The following CSMD3 variants were observed in gnomAD, a reference collection of about 807,000 sequenced individuals.
CSMD3 encodes CUB and sushi domain-containing protein 3.
In CSMD3, 177 loss-of-function variants were observed where a neutral mutation model predicts 435.2. That is an observed-to-expected ratio of 0.41 (90% confidence interval 0.36 to 0.46). The LOEUF (loss-of-function observed/expected upper bound fraction) is 0.46. Among genes scored for constraint, CSMD3 ranks in the 20% least tolerant of loss-of-function variants. The pLI is 0.34. For synonymous variants in CSMD3, 1,656 were observed against 1,520.5 expected (o/e 1.09, Z -2.07); for missense variants, 4,265 against 4,504.6 (o/e 0.95, Z 1.52).
At chr8:112,890,182 T>C (rs979978289) in intron 10 of CSMD3, among the ~76,000 whole-genome samples, 7 of 151,644 alleles carry the variant, frequency 4.6e-5, no homozygotes, top group Non-Finnish European at 1.0e-4. Context: ...ATCAGTGACA[T>C]TCTTCCCATC....
chr8:113,125,247 T>A (rs1306536919), intron 4 of CSMD3, among the ~76,000 whole-genome samples: 1 of 151,964 alleles, frequency 6.6e-6, no homozygotes, highest in East Asian at 1.9e-4. Context: ...CAAGTAGAAG[T>A]GGACTGGGCC....
chr8:113,370,468 T>G (rs544786932), intron 1 of CSMD3, among the ~76,000 whole-genome samples: 1 of 151,804 alleles, frequency 6.6e-6, no homozygotes, highest in South Asian at 2.1e-4. Flanking sequence ...TACTGAAGCT[T>G]AACTTCACAA....
At chr8:113,132,742 A>C (rs1022454438) in intron 4 of CSMD3, among the ~76,000 whole-genome samples, 5 of 152,208 alleles carry the variant, frequency 3.3e-5, no homozygotes, top group African/African-American at 1.2e-4. Flanking sequence ...TATGCAAGAC[A>C]CATTTTGGAA....
At chr8:113,433,358 C>T (rs763232342) in intron 1 of CSMD3, among the ~76,000 whole-genome samples, 6 of 152,156 alleles carry the variant, frequency 3.9e-5, no homozygotes, top group Non-Finnish European at 8.8e-5. Context: ...ACACGCGGGG[C>T]TGAAAGCTCC....
intron 5 of CSMD3, among the ~76,000 whole-genome samples, chr8:113,033,643 C>T (rs954815397): frequency 4.0e-5 from 6 of 149,052 alleles, no homozygotes; most frequent in African/African-American, 1.5e-4. Flanking sequence ...AAGGGACTTG[C>T]CATGTCTCAG....
chr8:112,484,733 C>T (rs1483731411), intron 31 of CSMD3, among the ~76,000 whole-genome samples: 1 of 151,960 alleles, frequency 6.6e-6, no homozygotes, highest in African/African-American at 2.4e-5. Context: ...ACGCAAAATC[C>T]AAAATGCTCC....
intron 13 of CSMD3, among the ~76,000 whole-genome samples, chr8:112,741,633 G>A (rs976391672): frequency 6.6e-6 from 1 of 151,750 alleles, no homozygotes; most frequent in Non-Finnish European, 1.5e-5. Context: ...CAAACATTCA[G>A]ACCTTAGCAT....
intron 25 of CSMD3, 132 bp downstream of exon 25, chr8:112,556,630 CA>C: frequency 3.0e-6 from 2 of 660,774 alleles, no homozygotes; most frequent in South Asian, 2.0e-5. Context: ...TTGACAAATT[CA>C]AGCTATGAGT....
intron 32 of CSMD3, among the ~76,000 whole-genome samples, chr8:112,429,969 T>G (rs1172360235): frequency 6.6e-6 from 1 of 152,016 alleles, no homozygotes; most frequent in African/African-American, 2.4e-5. Context: ...GTTTCTGTAT[T>G]TTAGCAACAG....
intron 45 of CSMD3, among the ~76,000 whole-genome samples, chr8:112,327,461 T>C (rs1012808983): frequency 2.0e-5 from 3 of 152,176 alleles, no homozygotes; most frequent in Non-Finnish European, 2.9e-5. Flanking sequence ...AATGATTAAA[T>C]CATATAAATT....
intron 14 of CSMD3, among the ~76,000 whole-genome samples, chr8:112,688,960 A>C (rs2076072403): frequency 6.6e-6 from 1 of 152,074 alleles, no homozygotes; most frequent in Non-Finnish European, 1.5e-5. Flanking sequence ...TATTAAGCCA[A>C]CGTTGTCCTC....
chr8:112,684,278 C>T (rs1031661540), intron 15 of CSMD3, among the ~76,000 whole-genome samples: 3 of 152,128 alleles, frequency 2.0e-5, no homozygotes, highest in East Asian at 3.9e-4. Flanking sequence ...ACACATGTCA[C>T]CGCTAATTTA....
At chr8:112,496,524 A>G (rs911802108) in intron 30 of CSMD3, among the ~76,000 whole-genome samples, 1 of 152,214 alleles carries the variant, frequency 6.6e-6, no homozygotes, top group African/African-American at 2.4e-5. Flanking sequence ...TTGTAGTACT[A>G]TTCAGAATAG....
chr8:112,470,963 GT>G (rs1818466290), intron 32 of CSMD3, among the ~76,000 whole-genome samples: 1 of 151,950 alleles, frequency 6.6e-6, no homozygotes, highest in South Asian at 2.1e-4. Context: ...CAACGTAGCA[GT>G]TTTTTTATAT....
intron 20 of CSMD3, among the ~76,000 whole-genome samples, chr8:112,644,431 G>A (rs1328132110): frequency 3.3e-5 from 5 of 151,972 alleles, no homozygotes; most frequent in African/African-American, 1.2e-4. Flanking sequence ...ATTCTTTACA[G>A]ATTCCTTTCA....
chr8:112,322,030 G>A (rs967352959), intron 45 of CSMD3, among the ~76,000 whole-genome samples: 1 of 152,102 alleles, frequency 6.6e-6, no homozygotes, highest in Non-Finnish European at 1.5e-5. Context: ...CCTAAACAGA[G>A]AAATCTTTCT....
Position 113,063,350 on chromosome 8 carries a change from G to A in CSMD3, c.917+35406C>T, listed in dbSNP as rs947132967. Among the ~76,000 whole-genome samples, 27 of 151,772 alleles carry A rather than the reference G, an allele frequency of 1.8e-4. 1 individual carries two copies. The highest frequency in any genetic ancestry group is 6.0e-4 in the African/African-American group (25 of 41,474). ...GCTGTGTCAAGTTATTTATCCAAAG[G>A]TATCCTCACTTCATGGATATTTATT... On this transcript the variant is annotated intron_variant, in intron 5 of 70. Coordinates refer to ENST00000297405, the MANE Select transcript of CSMD3 (RefSeq NM_198123.2).
intron 32 of CSMD3, among the ~76,000 whole-genome samples, chr8:112,439,868 C>G (rs1015398132): frequency 4.6e-5 from 7 of 152,120 alleles, no homozygotes; most frequent in African/African-American, 1.2e-4. Context: ...TAGGTCCCCC[C>G]CCGCCAACAT....
intron 5 of CSMD3, among the ~76,000 whole-genome samples, chr8:113,048,241 C>A (rs949831573): frequency 9.9e-5 from 15 of 151,990 alleles, no homozygotes; most frequent in African/African-American, 3.1e-4. Context: ...TACAGGCGCC[C>A]ACTAACACGC....
Sources: allele counts gnomAD v4.1 joint callset (sites outside exome capture counted in the v4.1 genomes callset), GRCh38; gene constraint gnomAD v4.1.1; transcripts MANE v1.5; gene names NCBI Gene and HGNC (gene_info 2026-07-23, HGNC 2026-07-21).